Variants in ADAM22 observed in about 807,000 individuals in gnomAD.
ADAM22 encodes the protein ADAM metallopeptidase domain 22, also known as disintegrin and metalloproteinase domain-containing protein 22.
A neutral mutation model predicts 144.6 loss-of-function variants in ADAM22; 65 were observed. That is an observed-to-expected ratio of 0.45 (90% CI 0.37 to 0.55). The LOEUF (loss-of-function observed/expected upper bound fraction) is 0.55, where lower values mean the gene tolerates loss of function less well. ADAM22 is among the 20% of genes least tolerant of loss of function. The probability of loss-of-function intolerance (pLI) is 0.00; values close to 1 mark genes in which losing one functional copy is unlikely to be tolerated. For missense variants in ADAM22, 974 were observed against 1,184.9 expected, an observed-to-expected ratio of 0.82 and a Z score of 2.61; for synonymous variants, 391 against 412.6, an observed-to-expected ratio of 0.95 and a Z score of 0.63.
intron 3 of ADAM22, among the ~76,000 whole-genome samples, chr7:88,035,975 T>G (rs1215886264): frequency 6.6e-6 from 1 of 152,242 alleles, no homozygotes; most frequent in African/African-American, 2.4e-5. Flanking sequence ...TTTCCACATG[T>G]TCTTGGTCTT....
intron 5 of ADAM22, among the ~76,000 whole-genome samples, chr7:88,110,947 T>G (rs1454029998): frequency 6.9e-6 from 1 of 144,386 alleles, no homozygotes; most frequent in Non-Finnish European, 1.5e-5. Flanking sequence ...TTTGCCATGT[T>G]GGCCAGGTTG....
At chr7:87,975,600 T>C (rs1002708364) in intron 2 of ADAM22, among the ~76,000 whole-genome samples, 12 of 152,196 alleles carry the variant, frequency 7.9e-5, no homozygotes, top group African/African-American at 2.9e-4. Context: ...CATTGGGACA[T>C]AACTGAGATC....
rs1194500904 is a variant in ADAM22, at chr7:88,125,678, G to A, written c.678+19G>A. 3.9e-6 allele frequency: 6 copies of A among 1,554,634 alleles called. No homozygotes were observed. The highest frequency in any genetic ancestry group is 1.4e-5 in the African/African-American group (1 of 70,958). ...ACGGCAGGTATGTATTCACAGTGGT[G>A]TGTCGTGTTATTTTAAAACAATTGT... On this transcript the variant is annotated intron_variant, in intron 8 of 31. Coordinates refer to ENST00000413139, the MANE Select transcript of ADAM22 (RefSeq NM_001324418.2).
At chr7:87,949,533 G>A (rs1305688067) in intron 2 of ADAM22, among the ~76,000 whole-genome samples, 2 of 152,156 alleles carry the variant, frequency 1.3e-5, no homozygotes, top group South Asian at 2.1e-4. Context: ...GCCTGGAGCT[G>A]CATTTTCTTT....
In ADAM22 at chr7:87,934,474, G is replaced by C. The variant is rs368425480; in HGVS notation, c.9G>C (p.Ala3=). 3 of 1,600,506 alleles carry C rather than the reference G, an allele frequency of 1.9e-6. No homozygotes were observed. Among genetic ancestry groups the C allele is most frequent in the African/African-American group, 2.7e-5 (2 of 74,654 alleles). MQ[A]AVAVSVPFLL... Reference sequence around the variant, plus strand: ...GGGCTGACGGCAGCACCATGCAGGCGGCAGTGGCTGTGTCCGTGCCCTTCT... The same window carrying C: ...GGGCTGACGGCAGCACCATGCAGGCCGCAGTGGCTGTGTCCGTGCCCTTCT... Residue 3 remains alanine (A), a synonymous_variant, in exon 1 of 32, where the codon GCG becomes GCC. Transcript: ENST00000413139.
At chr7:87,939,056 C>T (rs895564688) in intron 2 of ADAM22, among the ~76,000 whole-genome samples, 1 of 152,116 alleles carries the variant, frequency 6.6e-6, no homozygotes, top group Non-Finnish European at 1.5e-5. Flanking sequence ...TTCTTAAAGA[C>T]GTGGAAGATG....
chr7:88,130,344 C>A, intron 9 of ADAM22, 44 bp from the exon 10 acceptor site: 1 of 1,472,042 alleles, frequency 6.8e-7, no homozygotes. Context: ...TGATTGTTTT[C>A]TGATCACTTT....
chr7:88,011,632 C>T (rs1356871735), intron 3 of ADAM22, among the ~76,000 whole-genome samples: 1 of 151,878 alleles, frequency 6.6e-6, no homozygotes, highest in African/African-American at 2.4e-5. Context: ...TAATAGTTGG[C>T]AATATGTGTC....
rs1291122696 is a variant in ADAM22, at chr7:88,196,768, A to T, written c.*277A>T. 4.4e-6 allele frequency: 2 copies of T among 451,088 alleles called. No homozygotes were observed. The allele number at this position is 451,088 out of a possible 1,614,324, so 27.9% of individuals were successfully genotyped here. A position where few individuals can be genotyped will look rare whatever the true frequency, so the allele number is the denominator to read the frequency against. Reference sequence around the variant, plus strand: ...TATGTTAATGGATAATCCGCATGACAGATAATATGTAGAAATATTCATAAA... The same window carrying T: ...TATGTTAATGGATAATCCGCATGACTGATAATATGTAGAAATATTCATAAA... On this transcript the variant is annotated 3_prime_UTR_variant, in exon 32 of 32. Transcript: ENST00000413139.
chr7:88,165,947 G>A lies in ADAM22; in HGVS notation c.2191+1G>A. The A allele has an allele frequency of 6.2e-7, 1 of 1,602,384 alleles. No homozygotes were observed. ...ACTGGTATCACTCTGTCTGGCAATG[G>A]TAAGTACTTAATTTGGTAACATTAT... is the stretch of plus-strand genomic sequence containing the variant. On this transcript the variant is annotated splice_donor_variant, in intron 24 of 31. Coordinates refer to ENST00000413139, the MANE Select transcript of ADAM22 (RefSeq NM_001324418.2). LOFTEE classifies it high-confidence loss of function.
chr7:88,043,420 G>C (rs923952648), intron 3 of ADAM22, among the ~76,000 whole-genome samples: 3 of 151,238 alleles, frequency 2.0e-5, no homozygotes, highest in African/African-American at 7.3e-5. Flanking sequence ...GGGTGGCAGA[G>C]CTTGCAGTGA....
chr7:88,176,294 G>A (rs1487973311), intron 26 of ADAM22, among the ~76,000 whole-genome samples: 1 of 152,184 alleles, frequency 6.6e-6, no homozygotes, highest in African/African-American at 2.4e-5. Context: ...CATTTACCAT[G>A]TGAAGAAAGT....
chr7:88,009,185 A>AC (rs1037830119), intron 3 of ADAM22, among the ~76,000 whole-genome samples: 3 of 151,996 alleles, frequency 2.0e-5, no homozygotes, highest in Admixed American at 2.0e-4. Flanking sequence ...TGAATTAATG[A>AC]CCCCCATGAC....
intron 3 of ADAM22, among the ~76,000 whole-genome samples, chr7:88,019,368 G>C (rs1428113587): frequency 1.3e-5 from 2 of 152,102 alleles, no homozygotes; most frequent in Non-Finnish European, 2.9e-5. Context: ...CCAGGTACTT[G>C]GGAGGCTGAG....
At chr7:87,950,505 A>G (rs1421753879) in intron 2 of ADAM22, among the ~76,000 whole-genome samples, 2 of 148,690 alleles carry the variant, frequency 1.3e-5, no homozygotes, top group African/African-American at 2.5e-5. Context: ...TCCAGGGTGT[A>G]TATGTGCCAC....
intron 4 of ADAM22, among the ~76,000 whole-genome samples, chr7:88,105,861 G>A (rs958963524): frequency 2.6e-5 from 4 of 152,144 alleles, no homozygotes; most frequent in Non-Finnish European, 2.9e-5. Context: ...AACAGTAACA[G>A]ACACAGTAAT....
chr7:88,186,510 C>A, intron 29 of ADAM22, 105 bp from the exon 30 acceptor site: 1 of 786,274 alleles, frequency 1.3e-6, no homozygotes, highest in South Asian at 1.4e-5. Flanking sequence ...TTGCCATGGT[C>A]ACTTGCATTT....
chr7:88,062,295 AG>A (rs1294999095), intron 3 of ADAM22, among the ~76,000 whole-genome samples: 1 of 152,192 alleles, frequency 6.6e-6, no homozygotes, highest in Non-Finnish European at 1.5e-5. Context: ...TAGATCTTCT[AG>A]ATAAATTGTG....
intron 24 of ADAM22, among the ~76,000 whole-genome samples, chr7:88,167,144 CCTCTGATGTATAAAAGGATGCCTCAGGAG>C (rs1843144698): frequency 6.6e-6 from 1 of 152,142 alleles, no homozygotes; most frequent in Non-Finnish European, 1.5e-5. Context: ...TGACTCCTGA[CCTCTGATGTATAAAAGGATGCCTCAGGAG>C]TGGAGCAGGC....
Sources: gnomAD v4.1 joint callset for allele counts (sites outside exome capture counted in the v4.1 genomes callset) on GRCh38, gnomAD v4.1.1 for gene constraint, MANE v1.5 for transcripts, NCBI Gene and HGNC (gene_info 2026-07-23, HGNC 2026-07-21) for gene names.